Variants in RFX3 observed in about 807,000 individuals in gnomAD.
RFX3 encodes transcription factor RFX3.
In RFX3, 14 loss-of-function variants were observed where a neutral mutation model predicts 98.6. That is an observed-to-expected ratio of 0.14 (90% CI 0.09 to 0.22). The LOEUF is 0.22. Ranked by LOEUF, RFX3 falls within the 10% of genes least tolerant of loss-of-function variation. The pLI is 1.00. For synonymous variants in RFX3, 383 were observed against 328.4 expected (o/e 1.17, Z -1.80); for missense variants, 639 against 926.9 (o/e 0.69, Z 4.03).
intron 4 of RFX3, 36 bp from the exon 5 acceptor site, chr9:3,301,656 C>A: frequency 1.4e-6 from 2 of 1,441,560 alleles, no homozygotes; most frequent in Non-Finnish European, 9.7e-7. Flanking sequence ...GGGCTCAAGA[C>A]AAGATAGTAA....
chr9:3,300,515 C>T (rs1828524484), intron 5 of RFX3, among the ~76,000 whole-genome samples: 1 of 151,350 alleles, frequency 6.6e-6, no homozygotes, highest in South Asian at 2.1e-4. Flanking sequence ...ACAGTTAAAA[C>T]ATTTTCTATG....
intron 9 of RFX3, among the ~76,000 whole-genome samples, chr9:3,272,946 G>C (rs1243023635): frequency 6.6e-6 from 1 of 151,912 alleles, no homozygotes; most frequent in Non-Finnish European, 1.5e-5. Flanking sequence ...AATTAGGCAA[G>C]TAAAGAATTT....
At position 3,262,945 on chromosome 9, in the gene RFX3, G is replaced by A. The variant is rs1823115572; in HGVS notation, c.1595C>T (p.Ala532Val). ...MLSDLNRVDFANVQEQASWVC... is the reference protein window; with the variant it reads ...MLSDLNRVDFVNVQEQASWVC... ...AAGGAAATAGAATACCTGGACATTG[G>A]CAAAGTCGACACGGTTGAGGTCACT... The change falls in exon 13 of 17, where the codon GCC becomes GTC. Residue 532 changes from alanine to valine, a missense_variant. Physicochemically the swap from Ala to Val is moderately conservative, Grantham distance 64. This residue lies in a region of RFX3 where 138 missense variants were observed against 308.9 expected (regional missense o/e 0.45). Coordinates refer to ENST00000617270, the MANE Select transcript of RFX3 (RefSeq NM_001282116.2). The A allele has an allele frequency of 6.2e-7, 1 of 1,613,354 alleles. No homozygotes were observed. Among genetic ancestry groups the A allele is most frequent in the South Asian group, 1.1e-5 (1 of 91,010 alleles).
intron 1 of RFX3, among the ~76,000 whole-genome samples, chr9:3,504,951 T>TATATTATATATATAATATATATAATATA: frequency 1.7e-5 from 1 of 59,722 alleles, no homozygotes; most frequent in Non-Finnish European, 2.5e-5. Context: ...TATAATATAA[T>TATATTATATATATAATATATATAATATA]ATATATTATA....
intron 1 of RFX3, among the ~76,000 whole-genome samples, chr9:3,503,658 T>C (rs1554727119): frequency 6.6e-6 from 1 of 152,048 alleles, no homozygotes; most frequent in Non-Finnish European, 1.5e-5. Flanking sequence ...TTGCCTCCAT[T>C]AGTAACTTTT....
chr9:3,379,594 G>C (rs574107304), intron 2 of RFX3, among the ~76,000 whole-genome samples: 1 of 151,994 alleles, frequency 6.6e-6, no homozygotes, highest in African/African-American at 2.4e-5. Flanking sequence ...GTTATAATGT[G>C]GTTATTCAGC....
At chr9:3,467,213 A>G (rs1186214409) in intron 1 of RFX3, among the ~76,000 whole-genome samples, 9 of 143,738 alleles carry the variant, frequency 6.3e-5, no homozygotes, top group East Asian at 3.9e-4. Context: ...GTGTATATAC[A>G]TATATAATGT....
At chr9:3,406,298 T>C (rs1841967703) in intron 1 of RFX3, among the ~76,000 whole-genome samples, 2 of 151,686 alleles carry the variant, frequency 1.3e-5, no homozygotes, top group South Asian at 4.2e-4. Context: ...TTTCTTCTGC[T>C]TGAAACAATT....
intron 4 of RFX3, among the ~76,000 whole-genome samples, chr9:3,320,547 C>A (rs1324668214): frequency 6.7e-6 from 1 of 149,156 alleles, no homozygotes; most frequent in Non-Finnish European, 1.5e-5. Flanking sequence ...GCAAGACTGT[C>A]CCACCCCCTC....
intron 2 of RFX3, among the ~76,000 whole-genome samples, chr9:3,379,817 T>A (rs1838974992): frequency 6.6e-6 from 1 of 152,202 alleles, no homozygotes; most frequent in Admixed American, 6.5e-5. Flanking sequence ...TAAAACGCTT[T>A]GCAGTTTGCA....
chr9:3,305,628 T>C (rs1017506918), intron 4 of RFX3, among the ~76,000 whole-genome samples: 1 of 152,060 alleles, frequency 6.6e-6, no homozygotes, highest in African/African-American at 2.4e-5. Context: ...AGTTGCATGA[T>C]TCCAAATGGA....
At position 3,304,739 on chromosome 9, in the gene RFX3, G is replaced by T. The variant is rs186907618; in HGVS notation, c.475-3119C>A. Among the ~76,000 whole-genome samples, 193 of 152,058 alleles carry T rather than the reference G, an allele frequency of 1.3e-3. 3 individuals carry two copies. The highest frequency in any genetic ancestry group is 1.7e-4 in the African/African-American group (7 of 41,498). ...TTTTGCCTTCTGCCATGATTGTGAG[G>T]TCTCCCCAGACACATGGAACTGTGA... On this transcript the variant is annotated intron_variant, in intron 4 of 16. Coordinates refer to ENST00000617270, the MANE Select transcript of RFX3 (RefSeq NM_001282116.2).
At chr9:3,445,353 T>C (rs1845956553) in intron 1 of RFX3, among the ~76,000 whole-genome samples, 1 of 152,032 alleles carries the variant, frequency 6.6e-6, no homozygotes, top group Non-Finnish European at 1.5e-5. Context: ...ATATTTATCA[T>C]AGGCCTAGAA....
rs374178681 is a variant in RFX3 at position 3,240,198 on chromosome 9, T to C, written c.1968+7834A>G. ...AGCCTTCCAAGTTGTTATCAAGACATATTTGTCAAGGTAGGTGGATAGAAC... is the reference window on the plus strand; with the variant it reads ...AGCCTTCCAAGTTGTTATCAAGACACATTTGTCAAGGTAGGTGGATAGAAC... On this transcript the variant is annotated intron_variant, in intron 15 of 16. Transcript: ENST00000617270. Among the ~76,000 whole-genome samples, 32 of 152,318 alleles carry C rather than the reference T, an allele frequency of 2.1e-4. No individual in the cohort carries two copies. In the South Asian group the frequency reaches 6.6e-3, roughly 32 times the overall value.
At chr9:3,460,040 A>G (rs1847549290) in intron 1 of RFX3, among the ~76,000 whole-genome samples, 1 of 152,034 alleles carries the variant, frequency 6.6e-6, no homozygotes, top group South Asian at 2.1e-4. Context: ...TATTATAACA[A>G]ATGTTCAACT....
chr9:3,230,294 C>T (rs546112707), intron 15 of RFX3, among the ~76,000 whole-genome samples: 1 of 152,244 alleles, frequency 6.6e-6, no homozygotes, highest in African/African-American at 2.4e-5. Context: ...GAGACAGGGG[C>T]CTCCTAGACA....
At chr9:3,358,290 C>A (rs1400710841) in intron 2 of RFX3, among the ~76,000 whole-genome samples, 1 of 152,062 alleles carries the variant, frequency 6.6e-6, no homozygotes, top group African/African-American at 2.4e-5. Flanking sequence ...ACTTCATAAA[C>A]AAGAGTCTTG....
intron 1 of RFX3, among the ~76,000 whole-genome samples, chr9:3,453,314 A>G (rs1018377394): frequency 6.6e-5 from 10 of 151,960 alleles, no homozygotes; most frequent in Non-Finnish European, 1.0e-4. Context: ...GGAACTAAAT[A>G]CTTATCACTA....
At chr9:3,324,861 G>C (rs1371617364) in intron 4 of RFX3, among the ~76,000 whole-genome samples, 1 of 152,118 alleles carries the variant, frequency 6.6e-6, no homozygotes, top group Non-Finnish European at 1.5e-5. Flanking sequence ...CTACAAGGAA[G>C]GCTGAGGTGG....
Sources: allele counts gnomAD v4.1 joint callset (sites outside exome capture counted in the v4.1 genomes callset), GRCh38; gene constraint gnomAD v4.1.1; regional missense constraint gnomAD v4.1.1; transcripts MANE v1.5; gene names NCBI Gene and HGNC (gene_info 2026-07-23, HGNC 2026-07-21).